Variants in POTEI observed in about 807,000 individuals in gnomAD.
POTEI encodes POTE ankyrin domain family member I, also known as POTE ankyrin domain family, member I.
A neutral mutation model predicts 43.4 loss-of-function variants in POTEI; 14 were observed. That is an observed-to-expected ratio of 0.32 (90% CI 0.21 to 0.50). The LOEUF is 0.50. POTEI is among the 20% of genes least tolerant of loss of function. The pLI, the probability that POTEI is intolerant of heterozygous loss-of-function variation, is 0.98. For missense variants in POTEI, 235 were observed against 795.4 expected (o/e 0.30, Z 8.47); for synonymous variants, 95 against 297.9 (o/e 0.32, Z 7.01).
intron 14 of POTEI, 124 bp from the exon 15 acceptor site, chr2:130,464,268 GAA>G: frequency 2.1e-5 from 1 of 47,322 alleles, no homozygotes; most frequent in Non-Finnish European, 6.7e-5. Flanking sequence ...TATTTAACTG[GAA>G]AAAAATTGGA....
At chr2:130,474,008 C>A (rs1683096843) in intron 13 of POTEI, among the ~76,000 whole-genome samples, 1 of 140,110 alleles carries the variant, frequency 7.1e-6, no homozygotes, top group Non-Finnish European at 1.5e-5. Context: ...GGGAGACGAC[C>A]AAAAAACTAC....
At chr2:130,484,258 T>C (rs1683508327) in intron 9 of POTEI, among the ~76,000 whole-genome samples, 1 of 149,742 alleles carries the variant, frequency 6.7e-6, no homozygotes, top group South Asian at 2.2e-4. Context: ...TAAGAAACGA[T>C]GACATAAGGT....
In POTEI at chr2:130,477,218, T is replaced by C. The variant is rs571150172; in HGVS notation, c.1481-517A>G. Reference sequence around the variant, plus strand: ...GTCACCAGGCTGGAATGCAGTGGCATGATCAGCTCACTGCAACCTCCGCCT... The same window carrying C: ...GTCACCAGGCTGGAATGCAGTGGCACGATCAGCTCACTGCAACCTCCGCCT... On this transcript the variant is annotated intron_variant, in intron 10 of 14. Transcript: ENST00000451531. Among the ~76,000 whole-genome samples, 23 of 149,578 alleles carry C rather than the reference T, an allele frequency of 1.5e-4. 1 individual carries two copies. In the East Asian group the frequency reaches 4.6e-3, roughly 30 times the overall value.
At chr2:130,468,704 G>GTGC (rs780514042) in intron 13 of POTEI, among the ~76,000 whole-genome samples, 181 of 76,176 alleles carry the variant, frequency 2.4e-3, no homozygotes, top group Non-Finnish European at 3.5e-3. Flanking sequence ...CCAAACTATT[G>GTGC]GGGGGGGGGG....
chr2:130,477,045 A>T (rs543348326), intron 10 of POTEI, among the ~76,000 whole-genome samples: 1 of 149,562 alleles, frequency 6.7e-6, no homozygotes, highest in African/African-American at 2.5e-5. Flanking sequence ...ATAGTACCTT[A>T]TAAATGATTT....
In POTEI at chr2:130,477,209, G is replaced by A. The variant is rs530904264; in HGVS notation, c.1481-508C>T. Among the ~76,000 whole-genome samples, 19 of 145,952 alleles carry A rather than the reference G, an allele frequency of 1.3e-4. 1 individual carries two copies. Among genetic ancestry groups the A allele is most frequent in the African/African-American group, 3.8e-4 (15 of 39,030 alleles). Reference sequence around the variant, plus strand: ...TCTTCCTCTGTCACCAGGCTGGAATGCAGTGGCATGATCAGCTCACTGCAA... The same window carrying A: ...TCTTCCTCTGTCACCAGGCTGGAATACAGTGGCATGATCAGCTCACTGCAA... On this transcript the variant is annotated intron_variant, in intron 10 of 14. Coordinates refer to ENST00000451531, the MANE Select transcript of POTEI (RefSeq NM_001277406.2).
chr2:130,507,212 C>T (rs1342587856), intron 1 of POTEI, among the ~76,000 whole-genome samples: 243 of 75,354 alleles, frequency 3.2e-3, no homozygotes, highest in African/African-American at 0.01. Context: ...TGCAGTGAGC[C>T]GAGATCACAC....
chr2:130,477,466 T>C (rs1317373374), intron 10 of POTEI, among the ~76,000 whole-genome samples: 3 of 150,666 alleles, frequency 2.0e-5, no homozygotes, highest in Non-Finnish European at 2.9e-5. Flanking sequence ...AACAATGCTA[T>C]GTGAAGTCTT....
In POTEI at chr2:130,496,750, T is replaced by C. The variant is rs1683923835; in HGVS notation, c.1056-128A>G. The C allele has an allele frequency of 1.9e-5, 11 of 578,922 alleles. No individual in the cohort carries two copies. In the South Asian group the frequency reaches 1.9e-4, roughly 10 times the overall value. The allele number at this position is 578,922 out of a possible 1,614,324, so 35.9% of individuals were successfully genotyped here. On this transcript the variant is annotated intron_variant, in intron 5 of 14. Coordinates refer to ENST00000451531, the MANE Select transcript of POTEI (RefSeq NM_001277406.2). Reference sequence around the variant, plus strand: ...ATCAGAACTTAATAGTATTATCCCATCCACTTATGAGTACATTCTACAAAC... The same window carrying C: ...ATCAGAACTTAATAGTATTATCCCACCCACTTATGAGTACATTCTACAAAC...
At chr2:130,474,049 G>A (rs1473693003) in intron 13 of POTEI, among the ~76,000 whole-genome samples, 4 of 146,516 alleles carry the variant, frequency 2.7e-5, no homozygotes, top group South Asian at 2.3e-4. Context: ...TATGTGGCTG[G>A]TGAAATAATC....
Position 130,461,883 on chromosome 2 carries a change from T to G in POTEI, c.*933A>C, listed in dbSNP as rs569644291. 1 of 152,218 alleles carries G rather than the reference T, an allele frequency of 6.6e-6. No individual in the cohort carries two copies. The highest frequency in any genetic ancestry group is 1.5e-5 in the Non-Finnish European group (1 of 68,024). 9.4% of individuals were successfully genotyped at this position (152,218 alleles called of 1,614,324 possible). ...CGTCTTTTCTCTCAGAGTTTTATCT[T>G]GTTTCATGGAGCTTAATTTTTAGCC... On this transcript the variant is annotated 3_prime_UTR_variant, in exon 15 of 15. Coordinates refer to ENST00000451531, the MANE Select transcript of POTEI (RefSeq NM_001277406.2).
intron 5 of POTEI, 107 bp from the exon 6 acceptor site, chr2:130,496,729 G>A: frequency 8.1e-7 from 1 of 1,227,974 alleles, no homozygotes; most frequent in Middle Eastern, 2.8e-4. Context: ...CAGAATATCA[G>A]AACTTAATAG....
In POTEI at chr2:130,508,833, C is replaced by G; in HGVS notation, c.403G>C (p.Val135Leu). ...DSAFVEPRYHVRREDLDKLHR... is the reference protein window; with the variant it reads ...DSAFVEPRYHLRREDLDKLHR... ...AGCTTGTCCAGATCTTCTCGACGGACGTGGTATCTCGGCTCCACGAAGGCG... is the reference window on the plus strand; with the variant it reads ...AGCTTGTCCAGATCTTCTCGACGGAGGTGGTATCTCGGCTCCACGAAGGCG... The change falls in exon 1 of 15, where the codon GTC (valine) becomes CTC (leucine). Residue 135 changes from valine (V) to leucine (L), a missense_variant. Transcript: ENST00000451531. 1 of 1,542,730 alleles carries G rather than the reference C, an allele frequency of 6.5e-7. No homozygotes were observed. Among genetic ancestry groups the G allele is most frequent in the Non-Finnish European group, 8.7e-7 (1 of 1,150,908 alleles).
At chr2:130,479,262 T>C (rs1226713654) in intron 10 of POTEI, among the ~76,000 whole-genome samples, 1 of 150,902 alleles carries the variant, frequency 6.6e-6, no homozygotes, top group Admixed American at 6.6e-5. Flanking sequence ...ATTAATGTTA[T>C]TTCTTACAGG....
In POTEI at chr2:130,479,264, T is replaced by A. The variant is rs1683313721; in HGVS notation, c.1481-2563A>T. ...AAAACTGCCAACTATTAATGTTATT[T>A]CTTACAGGAAAAAAAAATTAAGCAA... On this transcript the variant is annotated intron_variant, in intron 10 of 14. Coordinates refer to ENST00000451531, the MANE Select transcript of POTEI (RefSeq NM_001277406.2). Among the ~76,000 whole-genome samples, 5 of 150,968 alleles carry A rather than the reference T, an allele frequency of 3.3e-5. No individual in the cohort carries two copies. The South Asian group carries it at 1.0e-3, about 32-fold the overall frequency.
intron 9 of POTEI, among the ~76,000 whole-genome samples, chr2:130,483,934 C>T (rs1375525867): frequency 1.3e-5 from 2 of 150,658 alleles, no homozygotes; most frequent in East Asian, 4.0e-4. Flanking sequence ...ACAGGATAAA[C>T]TCCATTCACT....
At chr2:130,483,989 C>T (rs1228423255) in intron 9 of POTEI, among the ~76,000 whole-genome samples, 1 of 149,526 alleles carries the variant, frequency 6.7e-6, no homozygotes, top group East Asian at 2.1e-4. Flanking sequence ...ATATGCTAAG[C>T]CTTTTTCTAA....
intron 1 of POTEI, among the ~76,000 whole-genome samples, chr2:130,504,603 T>C (rs1373681065): frequency 2.6e-3 from 336 of 130,498 alleles, no homozygotes; most frequent in African/African-American, 8.7e-3. Context: ...ACAACAGGTC[T>C]GGGGCGGTTC....
chr2:130,491,791 AT>A (rs1683746696), intron 6 of POTEI, among the ~76,000 whole-genome samples: 1 of 106,770 alleles, frequency 9.4e-6, no homozygotes, highest in Non-Finnish European at 2.1e-5. Flanking sequence ...AGAAGCTGGG[AT>A]TACAGGCATG....
Sources: allele counts gnomAD v4.1 joint callset (sites outside exome capture counted in the v4.1 genomes callset), GRCh38; gene constraint gnomAD v4.1.1; transcripts MANE v1.5; gene names NCBI Gene and HGNC (gene_info 2026-07-23, HGNC 2026-07-21).